The following SPON1 variants were observed in gnomAD, a reference collection of about 807,000 sequenced individuals.
The protein encoded by SPON1 is spondin-1.
Under a neutral mutation model 111.7 loss-of-function variants are expected in SPON1, and 52 were observed. The observed-to-expected ratio is 0.47, with a 90% confidence interval of 0.37 to 0.59. The LOEUF (loss-of-function observed/expected upper bound fraction) is 0.59, where lower values mean the gene tolerates loss of function less well. Among genes scored for constraint, SPON1 ranks in the 20% least tolerant of loss-of-function variants. The probability of loss-of-function intolerance (pLI) is 0.00; values close to 1 mark genes in which losing one functional copy is unlikely to be tolerated. For missense variants in SPON1, 957 were observed against 1,068.5 expected, an observed-to-expected ratio of 0.90 and a Z score of 1.46; for synonymous variants, 410 against 395.8, an observed-to-expected ratio of 1.04 and a Z score of -0.43.
chr11:14,161,422 G>A (rs1668427511), intron 6 of SPON1, among the ~76,000 whole-genome samples: 2 of 150,086 alleles, frequency 1.3e-5, no homozygotes, highest in Non-Finnish European at 2.9e-5. Flanking sequence ...AGGTTCAAGT[G>A]ATTCTCTTGC....
intron 1 of SPON1, among the ~76,000 whole-genome samples, chr11:13,968,698 T>C (rs1848038579): frequency 6.6e-6 from 1 of 152,192 alleles, no homozygotes; most frequent in African/African-American, 2.4e-5. Flanking sequence ...GGAGAACCTC[T>C]GCACACCTGT....
intron 5 of SPON1, among the ~76,000 whole-genome samples, chr11:14,104,767 TTTC>T (rs1211666615): frequency 1.3e-5 from 2 of 152,120 alleles, no homozygotes; most frequent in African/African-American, 4.8e-5. Context: ...TAAGATCAGA[TTTC>T]TTTTTGTAGT....
intron 6 of SPON1, among the ~76,000 whole-genome samples, chr11:14,199,517 T>TA (rs782704393): frequency 6.6e-6 from 1 of 152,058 alleles, no homozygotes; most frequent in Non-Finnish European, 1.5e-5. Flanking sequence ...CACCACTTCC[T>TA]AAACTTTTCT....
chr11:14,189,456 A>C (rs1431999011), intron 6 of SPON1, among the ~76,000 whole-genome samples: 1 of 152,086 alleles, frequency 6.6e-6, no homozygotes, highest in Non-Finnish European at 1.5e-5. Context: ...CTTCCCACCC[A>C]GCTGCCTAAG....
chr11:14,161,227 AT>A (rs1564920168), intron 6 of SPON1, among the ~76,000 whole-genome samples: 1 of 35,574 alleles, frequency 2.8e-5, no homozygotes. Context: ...ATCTATATAT[AT>A]TTATATATTT....
intron 3 of SPON1, among the ~76,000 whole-genome samples, chr11:14,071,590 T>A (rs948653406): frequency 7.2e-5 from 11 of 152,100 alleles, no homozygotes; most frequent in South Asian, 2.1e-4. Flanking sequence ...TCCTAGAACA[T>A]TGGTAGTAGA....
chr11:13,992,884 C>T (rs1591343472), intron 2 of SPON1, among the ~76,000 whole-genome samples: 1 of 151,984 alleles, frequency 6.6e-6, no homozygotes, highest in African/African-American at 2.4e-5. Flanking sequence ...TGGGCTGCAC[C>T]CACTGTCCAA....
chr11:14,221,599 C>T (rs541164599), intron 6 of SPON1, among the ~76,000 whole-genome samples: 19 of 152,300 alleles, frequency 1.2e-4, no homozygotes, highest in South Asian at 6.2e-4. Context: ...GTGACTCATC[C>T]GACGTTTTTA....
intron 6 of SPON1, among the ~76,000 whole-genome samples, chr11:14,158,940 T>C (rs1847879919): frequency 6.6e-6 from 1 of 152,172 alleles, no homozygotes; most frequent in Admixed American, 6.6e-5. Context: ...TGTGGAGAAC[T>C]GTACGTCTGT....
rs1382381216 is a variant in SPON1 at position 14,228,568 on chromosome 11, A to ACC, written c.826-14763_826-14762dup. Among the ~76,000 whole-genome samples, 2 of 152,224 alleles carry ACC rather than the reference A, an allele frequency of 1.3e-5. No homozygotes were observed. Among genetic ancestry groups the ACC allele is most frequent in the African/African-American group, 4.8e-5 (2 of 41,536 alleles). On this transcript the variant is annotated intron_variant, in intron 6 of 15. Transcript: ENST00000576479. The surrounding 1 kb of genome is among the most constrained non-coding windows in gnomAD (Gnocchi z 4.2). ...TCCTGCCTTGGGGACAAGAGCACTG[A>ACC]CCTTTGTGCCCCTGGAGGATCACTG... is the stretch of plus-strand genomic sequence containing the variant.
chr11:14,077,939 A>T (rs565444744), intron 4 of SPON1, among the ~76,000 whole-genome samples: 2 of 152,138 alleles, frequency 1.3e-5, no homozygotes, highest in Non-Finnish European at 2.9e-5. Flanking sequence ...AACAAAGAAT[A>T]CAGGAAGAGA....
In SPON1 at chr11:14,057,585, A is replaced by C. The variant is rs114101715; in HGVS notation, c.479+15931A>C. Among the ~76,000 whole-genome samples the C allele has an allele frequency of 5.8e-3, 876 of 152,310 alleles. 10 individuals carry two copies. The highest frequency in any genetic ancestry group is 0.02 in the African/African-American group (832 of 41,568). On this transcript the variant is annotated intron_variant, in intron 3 of 15. Transcript: ENST00000576479. ...TATCTTTGCAAGAATTACACAAAAA[A>C]AGTACTTGAGCTGATCAGCATCATG...
intron 6 of SPON1, among the ~76,000 whole-genome samples, chr11:14,209,569 T>C (rs1436584505): frequency 6.6e-6 from 1 of 152,210 alleles, no homozygotes; most frequent in Non-Finnish European, 1.5e-5. Context: ...GCTTCAACCA[T>C]GTCCCTGCAA....
In SPON1 at chr11:14,182,303, C is replaced by T. The variant is rs188274463; in HGVS notation, c.825+46735C>T. The stretch of plus-strand genomic sequence containing the variant: ...GAGAGAGGCTAACACACCTGTAAGT[C>T]AAAATCCCATGGCGCGCTGTAGAAG... On this transcript the variant is annotated intron_variant, in intron 6 of 15. Transcript: ENST00000576479. Among the ~76,000 whole-genome samples, 59 of 152,314 alleles carry T rather than the reference C, an allele frequency of 3.9e-4. No homozygotes were observed. In the East Asian group the frequency reaches 0.011, roughly 27 times the overall value.
chr11:13,991,914 C>G (rs1399182680), intron 2 of SPON1, among the ~76,000 whole-genome samples: 1 of 152,158 alleles, frequency 6.6e-6, no homozygotes, highest in African/African-American at 2.4e-5. Context: ...AGATTGTTGC[C>G]TGATCTTTCC....
At chr11:14,104,327 G>T (rs1849168699) in intron 5 of SPON1, among the ~76,000 whole-genome samples, 1 of 151,190 alleles carries the variant, frequency 6.6e-6, no homozygotes, top group African/African-American at 2.4e-5. Flanking sequence ...AATTTTTATA[G>T]TTAATTTGTT....
intron 5 of SPON1, among the ~76,000 whole-genome samples, chr11:14,118,459 A>G (rs1371643287): frequency 3.9e-5 from 6 of 152,224 alleles, no homozygotes; most frequent in African/African-American, 7.2e-5. Context: ...AGTGGGAATG[A>G]GAGTTTGAGG....
At chr11:14,063,903 C>T (rs782420905) in intron 3 of SPON1, among the ~76,000 whole-genome samples, 1 of 152,134 alleles carries the variant, frequency 6.6e-6, no homozygotes, top group Non-Finnish European at 1.5e-5. Flanking sequence ...CATAAACAGC[C>T]TTTATGCAGT....
intron 3 of SPON1, among the ~76,000 whole-genome samples, chr11:14,068,733 CCTCA>C (rs1848852343): frequency 6.6e-6 from 1 of 152,214 alleles, no homozygotes; most frequent in Non-Finnish European, 1.5e-5. Context: ...CCCAACTCCA[CCTCA>C]CTCCAGCCAG....
Sources: gnomAD v4.1 joint callset for allele counts (sites outside exome capture counted in the v4.1 genomes callset) on GRCh38, gnomAD v4.1.1 for gene constraint, Gnocchi (gnomAD v3.1) non-coding constraint, MANE v1.5 for transcripts, NCBI Gene and HGNC (gene_info 2026-07-23, HGNC 2026-07-21) for gene names.